The following ANGPT1 variants were observed in gnomAD, a reference collection of about 807,000 sequenced individuals.
The protein encoded by ANGPT1 is angiopoietin 1, also known as angiopoietin-1.
ANGPT1 carries 17 observed loss-of-function variants against 62.2 expected under a neutral mutation model. That is an observed-to-expected ratio of 0.27 (90% CI 0.19 to 0.41). The LOEUF (loss-of-function observed/expected upper bound fraction) is 0.41, where lower values mean the gene tolerates loss of function less well. Among genes scored for constraint, ANGPT1 ranks in the 10% least tolerant of loss-of-function variants. The pLI is 1.00. For missense variants in ANGPT1, 478 were observed against 594.9 expected, an observed-to-expected ratio of 0.80 and a Z score of 2.04; for synonymous variants, 199 against 198.9, an observed-to-expected ratio of 1.00 and a Z score of 0.00.
At chr8:107,275,260 T>A (rs1364636759) in intron 7 of ANGPT1, among the ~76,000 whole-genome samples, 1 of 152,136 alleles carries the variant, frequency 6.6e-6, no homozygotes, top group Non-Finnish European at 1.5e-5. Context: ...GTCCCAAGTC[T>A]GCCACAAGCA....
At chr8:107,375,554 T>C (rs1417619136) in intron 1 of ANGPT1, among the ~76,000 whole-genome samples, 1 of 152,168 alleles carries the variant, frequency 6.6e-6, no homozygotes, top group Non-Finnish European at 1.5e-5. Context: ...AATATTAGTA[T>C]TTTACCATCC....
At chr8:107,361,212 T>C (rs1437625224) in intron 1 of ANGPT1, among the ~76,000 whole-genome samples, 1 of 151,996 alleles carries the variant, frequency 6.6e-6, no homozygotes, top group Non-Finnish European at 1.5e-5. Flanking sequence ...TGATTTTTTT[T>C]AAAGTTTACT....
At chr8:107,376,532 GTTTGTT>G (rs571049995) in intron 1 of ANGPT1, among the ~76,000 whole-genome samples, 231 of 152,262 alleles carry the variant, frequency 1.5e-3, no homozygotes, top group African/African-American at 5.4e-3. Context: ...ACACTTGTTT[GTTTGTT>G]TTTGTTTTTT....
intron 1 of ANGPT1, among the ~76,000 whole-genome samples, chr8:107,432,989 C>T (rs1007487853): frequency 6.6e-6 from 1 of 152,106 alleles, no homozygotes; most frequent in African/African-American, 2.4e-5. Context: ...TTTATAAAAG[C>T]AATGATGTCT....
intron 4 of ANGPT1, among the ~76,000 whole-genome samples, chr8:107,306,434 G>C (rs1814719436): frequency 6.6e-6 from 1 of 152,084 alleles, no homozygotes; most frequent in Non-Finnish European, 1.5e-5. Context: ...AAGATTTAAA[G>C]ATTATTTCAG....
intron 1 of ANGPT1, among the ~76,000 whole-genome samples, chr8:107,356,483 A>G (rs984526953): frequency 6.6e-6 from 1 of 152,182 alleles, no homozygotes; most frequent in Non-Finnish European, 1.5e-5. Flanking sequence ...GAATCTAATA[A>G]GTCTTTCCAG....
At chr8:107,262,463 G>A (rs973372840) in intron 8 of ANGPT1, among the ~76,000 whole-genome samples, 2 of 152,166 alleles carry the variant, frequency 1.3e-5, no homozygotes, top group Non-Finnish European at 2.9e-5. Context: ...AATGCTAGCT[G>A]TCATTCATTT....
chr8:107,462,041 T>C (rs1812084515), intron 1 of ANGPT1, among the ~76,000 whole-genome samples: 1 of 152,138 alleles, frequency 6.6e-6, no homozygotes, highest in Non-Finnish European at 1.5e-5. Context: ...TTGGACTATA[T>C]AAACCTTCTG....
intron 5 of ANGPT1, among the ~76,000 whole-genome samples, chr8:107,299,420 T>TATATATAA (rs1342219214): frequency 0.014 from 1,730 of 120,268 alleles, 23 homozygotes; most frequent in Middle Eastern, 0.033. Context: ...TATATATATA[T>TATATATAA]AAACATACAT....
chr8:107,307,648 G>A (rs918500624), intron 4 of ANGPT1, among the ~76,000 whole-genome samples: 9 of 151,472 alleles, frequency 5.9e-5, no homozygotes, highest in African/African-American at 1.2e-4. Context: ...CTCTTTTATC[G>A]GTTTATTTTC....
At chr8:107,449,671 G>T (rs1811715254) in intron 1 of ANGPT1, among the ~76,000 whole-genome samples, 1 of 151,974 alleles carries the variant, frequency 6.6e-6, no homozygotes, top group Admixed American at 6.6e-5. Flanking sequence ...GAATAACTAT[G>T]TTTTCAACTG....
At chr8:107,263,629 G>A (rs2514883) in intron 8 of ANGPT1, among the ~76,000 whole-genome samples, 129,399 of 152,016 alleles carry the variant, frequency 0.85, 55,093 homozygotes, top group Middle Eastern at 0.89. Flanking sequence ...TCAGAAGGCT[G>A]GAAAAATATT....
chr8:107,468,587 T>C (rs1250045464), intron 1 of ANGPT1, among the ~76,000 whole-genome samples: 1 of 152,080 alleles, frequency 6.6e-6, no homozygotes, highest in Admixed American at 6.6e-5. Flanking sequence ...CACAAGGTTA[T>C]AGAGTATAGT....
intron 1 of ANGPT1, among the ~76,000 whole-genome samples, chr8:107,418,489 C>T (rs761153540): frequency 2.0e-5 from 3 of 151,992 alleles, no homozygotes; most frequent in Admixed American, 6.6e-5. Context: ...ATAAAACAAC[C>T]GATATGATGA....
Position 107,449,627 on chromosome 8 carries a change from C to A in ANGPT1, c.297+47635G>T, listed in dbSNP as rs559168379. ...AATGAGACCTATTTATTTACCACTT[C>A]ATCAAACTTTGTAGCCAGATGTACC... is the stretch of plus-strand genomic sequence containing the variant. On this transcript the variant is annotated intron_variant, in intron 1 of 8. Transcript: ENST00000517746. Among the ~76,000 whole-genome samples the A allele has an allele frequency of 2.0e-5, 3 of 152,200 alleles. No individual in the cohort carries two copies. The South Asian group carries it at 6.2e-4, about 32-fold the overall frequency.
chr8:107,356,454 A>G (rs2130189267), intron 1 of ANGPT1, among the ~76,000 whole-genome samples: 1 of 152,348 alleles, frequency 6.6e-6, no homozygotes, highest in Non-Finnish European at 1.5e-5. Context: ...AAAGAAAGGA[A>G]CAAATCCTCT....
intron 4 of ANGPT1, 145 bp downstream of exon 4, chr8:107,321,751 A>G (rs912970093): frequency 1.1e-5 from 7 of 631,124 alleles, no homozygotes; most frequent in Non-Finnish European, 1.8e-5. Flanking sequence ...AATTATCAAC[A>G]TAACTTCATA....
intron 1 of ANGPT1, among the ~76,000 whole-genome samples, chr8:107,372,757 T>C (rs1221188404): frequency 1.3e-5 from 2 of 151,780 alleles, no homozygotes; most frequent in Non-Finnish European, 2.9e-5. Flanking sequence ...CAAAAGATAC[T>C]TTCCTCTTGG....
At chr8:107,484,252 C>G (rs913393817) in intron 1 of ANGPT1, among the ~76,000 whole-genome samples, 9 of 152,288 alleles carry the variant, frequency 5.9e-5, no homozygotes, top group African/African-American at 2.2e-4. Context: ...AATATGTAAA[C>G]TCTTAAAAAT....
Sources: allele counts gnomAD v4.1 joint callset (sites outside exome capture counted in the v4.1 genomes callset), GRCh38; gene constraint gnomAD v4.1.1; transcripts MANE v1.5; gene names NCBI Gene and HGNC (gene_info 2026-07-23, HGNC 2026-07-21).